KHDRBS2: variants seen among roughly 807,000 people sequenced by gnomAD.
KHDRBS2 encodes KH domain-containing, RNA-binding, signal transduction-associated protein 2.
A neutral mutation model predicts 44.3 loss-of-function variants in KHDRBS2; 26 were observed. The observed-to-expected ratio is 0.59, with a 90% CI of 0.43 to 0.81. The LOEUF (loss-of-function observed/expected upper bound fraction) is 0.81, where lower values mean the gene tolerates loss of function less well. Ranked by LOEUF, KHDRBS2 falls within the 40% of genes least tolerant of loss-of-function variation. The probability of loss-of-function intolerance (pLI) is 0.00; values close to 1 mark genes in which losing one functional copy is unlikely to be tolerated. For synonymous variants in KHDRBS2, 194 were observed against 151.1 expected (o/e 1.28, Z -2.08); for missense variants, 476 against 433.1 (o/e 1.10, Z -0.88).
intron 6 of KHDRBS2, among the ~76,000 whole-genome samples, chr6:61,810,746 A>G (rs1238303629): frequency 1.3e-5 from 2 of 152,084 alleles, no homozygotes; most frequent in African/African-American, 4.8e-5. Context: ...CTGAGAATTG[A>G]ATAAAATAAG....
intron 6 of KHDRBS2, among the ~76,000 whole-genome samples, chr6:61,775,671 T>C (rs1218530438): frequency 6.6e-6 from 1 of 152,224 alleles, no homozygotes; most frequent in Non-Finnish European, 1.5e-5. Context: ...GAACATTCCA[T>C]GCTCATGGGT....
chr6:62,283,212 A>T (rs1273210210), intron 1 of KHDRBS2, among the ~76,000 whole-genome samples: 3 of 152,156 alleles, frequency 2.0e-5, no homozygotes, highest in Admixed American at 1.3e-4. Flanking sequence ...AACTCTTCTG[A>T]GTAACAATCA....
chr6:61,653,896 G>A, the KHDRBS2 span, among the ~76,000 whole-genome samples: 2 of 48,410 alleles, frequency 4.1e-5, no homozygotes, highest in South Asian at 1.1e-3. Flanking sequence ...CAGCAAGATC[G>A]CAATGTTTCA....
chr6:61,871,699 T>C (rs1798684330), intron 6 of KHDRBS2, among the ~76,000 whole-genome samples: 1 of 152,288 alleles, frequency 6.6e-6, no homozygotes, highest in African/African-American at 2.4e-5. Context: ...GGGGCCAATA[T>C]TCAACATTTC....
chr6:61,606,647 A>G, the KHDRBS2 span, among the ~76,000 whole-genome samples: 1 of 152,174 alleles, frequency 6.6e-6, no homozygotes, highest in Non-Finnish European at 1.5e-5. Context: ...AAAGAAAGGT[A>G]TGGCTAGCAA....
At chr6:62,269,927 A>C (rs921272365) in intron 1 of KHDRBS2, among the ~76,000 whole-genome samples, 1 of 152,144 alleles carries the variant, frequency 6.6e-6, no homozygotes, top group Non-Finnish European at 1.5e-5. Context: ...TAATAAATGC[A>C]ACAACATGGA....
intron 1 of KHDRBS2, among the ~76,000 whole-genome samples, chr6:62,253,492 C>T (rs1045140081): frequency 1.3e-4 from 20 of 151,956 alleles, no homozygotes; most frequent in African/African-American, 4.8e-4. Context: ...ACCCTGCCTC[C>T]TCCTCTTTGG....
intron 1 of KHDRBS2, among the ~76,000 whole-genome samples, chr6:62,199,418 A>T (rs1826429440): frequency 6.6e-6 from 1 of 152,206 alleles, no homozygotes; most frequent in Admixed American, 6.5e-5. Context: ...ATGTGCAAAA[A>T]TCACAAGCGT....
chr6:61,719,781 A>T (rs1272309212), intron 7 of KHDRBS2, among the ~76,000 whole-genome samples: 1 of 151,426 alleles, frequency 6.6e-6, no homozygotes, highest in Non-Finnish European at 1.5e-5. Flanking sequence ...AAATTTATTT[A>T]TTTATTATTA....
At chr6:62,213,381 G>T (rs1042980305) in intron 1 of KHDRBS2, among the ~76,000 whole-genome samples, 9 of 152,066 alleles carry the variant, frequency 5.9e-5, no homozygotes, top group Admixed American at 3.9e-4. Context: ...GGGGTCTGTG[G>T]ATCCCCACCT....
chr6:61,778,962 G>A (rs1782515705), intron 6 of KHDRBS2, among the ~76,000 whole-genome samples: 2 of 152,094 alleles, frequency 1.3e-5, no homozygotes, highest in Admixed American at 1.3e-4. Context: ...ATGGGCATCA[G>A]ACCCATTTCC....
At chr6:61,829,003 T>C (rs1312197495) in intron 6 of KHDRBS2, among the ~76,000 whole-genome samples, 2 of 152,266 alleles carry the variant, frequency 1.3e-5, no homozygotes, top group Admixed American at 1.3e-4. Context: ...AATGATTCTT[T>C]AAAAATTTAT....
chr6:62,128,573 C>T (rs375229959), intron 2 of KHDRBS2, among the ~76,000 whole-genome samples: 1 of 149,004 alleles, frequency 6.7e-6, no homozygotes, highest in East Asian at 2.0e-4. Flanking sequence ...TCTCTCTCTT[C>T]CTTGAATATT....
chr6:61,568,020 TAG>T, the KHDRBS2 span, among the ~76,000 whole-genome samples: 2 of 152,144 alleles, frequency 1.3e-5, no homozygotes, highest in African/African-American at 2.4e-5. Flanking sequence ...TTTGTATATA[TAG>T]AGAGATACAG....
At chr6:61,675,383 G>A (rs1765869153), downstream of KHDRBS2, among the ~76,000 whole-genome samples, 1 of 151,466 alleles carries the variant, frequency 6.6e-6, no homozygotes, top group African/African-American at 2.4e-5. Context: ...TAAGCTAAAT[G>A]GTCACAGTTC....
chr6:61,811,403 G>A (rs943935816), intron 6 of KHDRBS2, among the ~76,000 whole-genome samples: 3 of 152,038 alleles, frequency 2.0e-5, no homozygotes, highest in Admixed American at 6.6e-5. Flanking sequence ...ATAGTGCTGC[G>A]ATGAACATCC....
chr6:61,556,016 C>A, the KHDRBS2 span, among the ~76,000 whole-genome samples: 3 of 152,176 alleles, frequency 2.0e-5, no homozygotes, highest in Admixed American at 6.5e-5. Flanking sequence ...GCTGCAGTGG[C>A]AGCATTACAG....
At chr6:61,881,399 A>C (rs1583309881) in intron 6 of KHDRBS2, among the ~76,000 whole-genome samples, 2 of 150,700 alleles carry the variant, frequency 1.3e-5, no homozygotes, top group African/African-American at 5.0e-5. Flanking sequence ...TTCAAAATGC[A>C]TGATAGTCTT....
chr6:61,604,829 G>A, the KHDRBS2 span, among the ~76,000 whole-genome samples: 1 of 152,232 alleles, frequency 6.6e-6, no homozygotes, highest in Non-Finnish European at 1.5e-5. Flanking sequence ...CACAGGGTCT[G>A]AAAAGGCCAC....
Sources: gnomAD v4.1 joint callset for allele counts (sites outside exome capture counted in the v4.1 genomes callset) on GRCh38, gnomAD v4.1.1 for gene constraint, MANE v1.5 for transcripts, NCBI Gene and HGNC (gene_info 2026-07-23, HGNC 2026-07-21) for gene names.